Variants in GMDS observed in about 807,000 individuals in gnomAD.
The protein encoded by GMDS is GDP-mannose 4,6-dehydratase.
In GMDS, 20 loss-of-function variants were observed where a neutral mutation model predicts 49.9. The observed-to-expected ratio is 0.40, with a 90% CI of 0.28 to 0.58. The LOEUF is 0.58. GMDS is among the 20% of genes least tolerant of loss of function. GMDS has a pLI of 0.42. For synonymous variants in GMDS, 177 were observed against 178.6 expected (o/e 0.99, Z 0.07); for missense variants, 362 against 481.4 (o/e 0.75, Z 2.32).
intron 4 of GMDS, among the ~76,000 whole-genome samples, chr6:2,060,573 T>C (rs1441090204): frequency 6.6e-6 from 1 of 152,192 alleles, no homozygotes; most frequent in African/African-American, 2.4e-5. Flanking sequence ...GGACCTCTTA[T>C]ACTTTAGTGT....
At position 2,065,505 on chromosome 6, in the gene GMDS, G is replaced by T. The variant is rs61884142; in HGVS notation, c.345+50266C>A. On this transcript the variant is annotated intron_variant, in intron 4 of 10. Transcript: ENST00000380815. ...AGAGGACATTCAAACCAAAGGCAAA[G>T]AAGTTGAAAACTTTGAAAAAAATTT... Among the ~76,000 whole-genome samples the T allele has an allele frequency of 1.4e-4, 21 of 152,288 alleles. 1 individual carries two copies. Among genetic ancestry groups the T allele is most frequent in the African/African-American group, 4.8e-4 (20 of 41,552 alleles).
chr6:1,832,649 C>T (rs1756715750), intron 7 of GMDS, among the ~76,000 whole-genome samples: 1 of 152,202 alleles, frequency 6.6e-6, no homozygotes, highest in Admixed American at 6.5e-5. Flanking sequence ...TAAGCCAGAG[C>T]CAAAGACTCC....
intron 1 of GMDS, among the ~76,000 whole-genome samples, chr6:2,230,313 T>C (rs906764778): frequency 3.3e-5 from 5 of 152,242 alleles, no homozygotes; most frequent in African/African-American, 9.6e-5. Flanking sequence ...CTGAAACGTA[T>C]ATTTAAAGAG....
At chr6:2,093,084 A>G (rs80274263) in intron 4 of GMDS, among the ~76,000 whole-genome samples, 39 of 152,340 alleles carry the variant, frequency 2.6e-4, no homozygotes, top group African/African-American at 8.9e-4. Context: ...AAGACAAAGC[A>G]GGAAACCTAT....
chr6:2,162,878 G>A (rs915852168), intron 1 of GMDS, among the ~76,000 whole-genome samples: 1 of 152,046 alleles, frequency 6.6e-6, no homozygotes, highest in Non-Finnish European at 1.5e-5. Context: ...CCAAGCTCTG[G>A]GGCCACTGCA....
intron 4 of GMDS, among the ~76,000 whole-genome samples, chr6:1,970,510 C>T (rs757488830): frequency 9.9e-5 from 15 of 152,134 alleles, no homozygotes; most frequent in African/African-American, 2.7e-4. Flanking sequence ...GGAGAGAAGG[C>T]GCTACCCGAC....
At chr6:2,009,486 A>T (rs904245830) in intron 4 of GMDS, among the ~76,000 whole-genome samples, 1 of 152,152 alleles carries the variant, frequency 6.6e-6, no homozygotes, top group African/African-American at 2.4e-5. Flanking sequence ...AGAATCCAAG[A>T]TTCCCAGCTG....
At chr6:1,843,508 C>G (rs1757238761) in intron 7 of GMDS, among the ~76,000 whole-genome samples, 1 of 152,246 alleles carries the variant, frequency 6.6e-6, no homozygotes, top group East Asian at 1.9e-4. Flanking sequence ...TGGCTCACGC[C>G]TGTAATCCCA....
intron 7 of GMDS, among the ~76,000 whole-genome samples, chr6:1,772,892 T>C (rs866218741): frequency 2.0e-5 from 3 of 152,352 alleles, no homozygotes; most frequent in Non-Finnish European, 1.5e-5. Context: ...TTCCTCATGC[T>C]TAAGCTGAAA....
At chr6:1,747,995 C>G (rs1410793348) in intron 7 of GMDS, among the ~76,000 whole-genome samples, 1 of 152,076 alleles carries the variant, frequency 6.6e-6, no homozygotes, top group African/African-American at 2.4e-5. Context: ...AGAACACAAC[C>G]CAGAAAGCCA....
chr6:1,725,229 A>G (rs552653368), intron 9 of GMDS, among the ~76,000 whole-genome samples: 1 of 152,220 alleles, frequency 6.6e-6, no homozygotes, highest in African/African-American at 2.4e-5. Flanking sequence ...TATATTTCAT[A>G]TGTTGAGCTT....
intron 7 of GMDS, among the ~76,000 whole-genome samples, chr6:1,755,267 C>T (rs1048918314): frequency 6.6e-6 from 1 of 152,122 alleles, no homozygotes; most frequent in African/African-American, 2.4e-5. Context: ...TGAGTGAACT[C>T]CCATTCACAA....
chr6:1,984,546 A>AC (rs1475053138), intron 4 of GMDS, among the ~76,000 whole-genome samples: 2 of 152,106 alleles, frequency 1.3e-5, no homozygotes, highest in Non-Finnish European at 2.9e-5. Context: ...GCTCCTAGTG[A>AC]CCCTAATGTC....
intron 1 of GMDS, among the ~76,000 whole-genome samples, chr6:2,143,154 C>A (rs1016032578): frequency 1.3e-5 from 2 of 152,160 alleles, no homozygotes; most frequent in African/African-American, 4.8e-5. Flanking sequence ...AATTCATTGT[C>A]CTTGGGTTAC....
chr6:1,900,640 T>C (rs1340365437), intron 7 of GMDS, among the ~76,000 whole-genome samples: 1 of 152,232 alleles, frequency 6.6e-6, no homozygotes. Flanking sequence ...CAACTTCTAC[T>C]AATCTTTCAA....
intron 9 of GMDS, among the ~76,000 whole-genome samples, chr6:1,686,532 C>T (rs1764981070): frequency 1.3e-5 from 2 of 152,312 alleles, no homozygotes; most frequent in African/African-American, 4.8e-5. Flanking sequence ...TCTGTGTCCA[C>T]TGATTAGTCA....
intron 1 of GMDS, among the ~76,000 whole-genome samples, chr6:2,148,797 G>A (rs1359156539): frequency 2.0e-5 from 3 of 152,212 alleles, no homozygotes; most frequent in African/African-American, 7.2e-5. Flanking sequence ...TCAAAGAGGT[G>A]AAGTTTAGGA....
chr6:1,741,811 C>CAAAA (rs758949708), intron 8 of GMDS, among the ~76,000 whole-genome samples: 239 of 23,022 alleles, frequency 0.01, 30 homozygotes, highest in Middle Eastern at 0.036. Flanking sequence ...GACTCTGTCT[C>CAAAA]AAAAAAAAAA....
chr6:1,864,644 A>C (rs974785836), intron 7 of GMDS, among the ~76,000 whole-genome samples: 1 of 152,178 alleles, frequency 6.6e-6, no homozygotes, highest in African/African-American at 2.4e-5. Context: ...CTCAGGATAA[A>C]ATGGGAAAAA....
Sources: allele counts gnomAD v4.1 joint callset (sites outside exome capture counted in the v4.1 genomes callset), GRCh38; gene constraint gnomAD v4.1.1; transcripts MANE v1.5; gene names NCBI Gene and HGNC (gene_info 2026-07-23, HGNC 2026-07-21).